The following TIMM21 variants were observed in gnomAD, a reference collection of about 807,000 sequenced individuals.
TIMM21 encodes the protein mitochondrial import inner membrane translocase subunit Tim21.
A neutral mutation model predicts 27.7 loss-of-function variants in TIMM21; 30 were observed. The ratio of observed to expected loss-of-function variants is 1.08; its 90% CI spans 0.81 to 1.47. TIMM21 has a LOEUF of 1.47. Among genes scored for constraint, TIMM21 ranks in the 40% most tolerant of loss-of-function variants. The pLI is 0.00. For synonymous variants in TIMM21, 121 were observed against 114.4 expected (o/e 1.06, Z -0.37); for missense variants, 292 against 302.9 (o/e 0.96, Z 0.27).
In TIMM21 at chr18:74,159,020, A is replaced by G. The variant is rs956987452; in HGVS notation, c.*540A>G. 2.5e-5 allele frequency: 4 copies of G among 156,926 alleles called. No homozygotes were observed. The highest frequency in any genetic ancestry group is 9.7e-5 in the African/African-American group (4 of 41,442). The allele number at this position is 156,926 out of a possible 1,614,324, so 9.7% of individuals were successfully genotyped here. A position where few individuals can be genotyped will look rare whatever the true frequency, so the allele number is the denominator to read the frequency against. On this transcript the variant is annotated 3_prime_UTR_variant, in exon 6 of 6. Transcript: ENST00000169551. Reference sequence around the variant, plus strand: ...GCTTCATGAATTAAGGGCCTAGTACATAGCGGGAAAAGTACACACTCCCAA... The same window carrying G: ...GCTTCATGAATTAAGGGCCTAGTACGTAGCGGGAAAAGTACACACTCCCAA...
At position 74,148,638 on chromosome 18, in the gene TIMM21, C is replaced by T; in HGVS notation, c.-171C>T. On this transcript the variant is annotated 5_prime_UTR_variant, in exon 1 of 6. Transcript: ENST00000169551. ...AGGGAAGGTAGACATCAGGTTCTCCCTGGAGACTTTTCGTTTTCATTTACG... is the reference window on the plus strand; with the variant it reads ...AGGGAAGGTAGACATCAGGTTCTCCTTGGAGACTTTTCGTTTTCATTTACG... 1 of 619,938 alleles carries T rather than the reference C, an allele frequency of 1.6e-6. No individual in the cohort carries two copies. The highest frequency in any genetic ancestry group is 2.8e-6 in the Non-Finnish European group (1 of 353,656). 38.4% of individuals were successfully genotyped at this position (619,938 alleles called of 1,614,324 possible).
At chr18:74,151,940 C>A (rs1035960219) in intron 1 of TIMM21, among the ~76,000 whole-genome samples, 2 of 144,168 alleles carry the variant, frequency 1.4e-5, no homozygotes, top group East Asian at 2.0e-4. Context: ...TCTATGTTCC[C>A]CCCCCCCCCG....
At position 74,159,519 on chromosome 18, in the gene TIMM21, T is replaced by G. The variant is rs1599212360; in HGVS notation, c.*1039T>G. 6.6e-6 allele frequency: 1 copy of G among 152,104 alleles called. No homozygotes were observed. Among genetic ancestry groups the G allele is most frequent in the Admixed American group, 6.5e-5 (1 of 15,272 alleles). The allele number at this position is 152,104 out of a possible 1,614,324, so 9.4% of individuals were successfully genotyped here. On this transcript the variant is annotated 3_prime_UTR_variant, in exon 6 of 6. Transcript: ENST00000169551. Reference sequence around the variant, plus strand: ...GGAATTTCTGATGTGTTCTTGAAATTTTGGGATATTCAGGATAGAGAGACC... The same window carrying G: ...GGAATTTCTGATGTGTTCTTGAAATGTTGGGATATTCAGGATAGAGAGACC...
In TIMM21 at chr18:74,148,771, G is replaced by A; in HGVS notation, c.-38G>A. ...GAACCCTAAAGCTTTCCTAATTGTA[G>A]TTAGCATCGTCCCTAAGCGGAACGA... is the stretch of plus-strand genomic sequence containing the variant. On this transcript the variant is annotated 5_prime_UTR_variant, in exon 1 of 6. Coordinates refer to ENST00000169551, the MANE Select transcript of TIMM21 (RefSeq NM_014177.3). The A allele has an allele frequency of 6.3e-7, 1 of 1,585,678 alleles. No individual in the cohort carries two copies. The highest frequency in any genetic ancestry group is 8.6e-7 in the Non-Finnish European group (1 of 1,159,950).
rs114230506 is a variant in TIMM21 at position 74,156,207 on chromosome 18, A to G, written c.462+804A>G. On this transcript the variant is annotated intron_variant, in intron 3 of 5. Transcript: ENST00000169551. The stretch of plus-strand genomic sequence containing the variant: ...TCACCCTGAAAGATAACAGCAGGTA[A>G]TCGTCTGCCATTATCATCATAAATA... 424 of 398,624 alleles carry G rather than the reference A, an allele frequency of 1.1e-3. 4 individuals carry two copies. Among genetic ancestry groups the G allele is most frequent in the African/African-American group, 7.2e-3 (353 of 48,750 alleles). The allele number at this position is 398,624 out of a possible 1,614,324, so 24.7% of individuals were successfully genotyped here. A position where few individuals can be genotyped will look rare whatever the true frequency, so the allele number is the denominator to read the frequency against.
At position 74,152,622 on chromosome 18, in the gene TIMM21, C is replaced by T. The variant is rs904180409; in HGVS notation, c.302-2523C>T. ...AGCTCTATGACAGGTGCTGTCAGTA[C>T]CCCCCTACCACCAGGGACAGGGTCC... On this transcript the variant is annotated intron_variant, in intron 1 of 5. Transcript: ENST00000169551. This position sits in a 1 kb window ranked among gnomAD's most constrained non-coding sequence, Gnocchi z 4.1. Among the ~76,000 whole-genome samples, 4 of 152,178 alleles carry T rather than the reference C, an allele frequency of 2.6e-5. No individual in the cohort carries two copies. The highest frequency in any genetic ancestry group is 5.9e-5 in the Non-Finnish European group (4 of 68,038).
chr18:74,151,417 C>T (rs1386735443), intron 1 of TIMM21, among the ~76,000 whole-genome samples: 1 of 152,108 alleles, frequency 6.6e-6, no homozygotes, highest in Non-Finnish European at 1.5e-5. Context: ...GTCATCAACT[C>T]TGTTGCTTTC....
chr18:74,156,603 C>A lies in TIMM21; in HGVS notation c.462+1200C>A, dbSNP rs975530268. 1.9e-5 allele frequency: 5 copies of A among 258,450 alleles called. No homozygotes were observed. The East Asian group carries it at 3.5e-4, about 18-fold the overall frequency. The allele number at this position is 258,450 out of a possible 1,614,324, so 16.0% of individuals were successfully genotyped here. A position where few individuals can be genotyped will look rare whatever the true frequency, so the allele number is the denominator to read the frequency against. On this transcript the variant is annotated intron_variant, in intron 3 of 5. Coordinates refer to ENST00000169551, the MANE Select transcript of TIMM21 (RefSeq NM_014177.3). ...CAAATTTTATCTGACAAGAAACATT[C>A]TTTACAGACTCCGGAAATACCTGTG...
chr18:74,148,844 G>A lies in TIMM21; in HGVS notation c.36G>A (p.Thr12=). ...ICTFLRAVQY[T]EKLHRSSAKR... ...CTTTTCTACGAGCCGTACAGTATAC[G>A]GAGAAGCTGCACAGGTCCTCGGCAA... Residue 12 remains threonine, a synonymous_variant, in exon 1 of 6, where the codon ACG becomes ACA. Transcript: ENST00000169551. 6.2e-7 allele frequency: 1 copy of A among 1,613,858 alleles called. No homozygotes were observed. Among genetic ancestry groups the A allele is most frequent in the African/African-American group, 1.3e-5 (1 of 75,018 alleles).
rs1283318598 is a variant in TIMM21 at position 74,160,353 on chromosome 18, A to T, written c.*1873A>T. 6.6e-6 allele frequency: 1 copy of T among 151,776 alleles called. No individual in the cohort carries two copies. The highest frequency in any genetic ancestry group is 1.9e-4 in the East Asian group (1 of 5,192). 9.4% of individuals were successfully genotyped at this position (151,776 alleles called of 1,614,324 possible). A position where few individuals can be genotyped will look rare whatever the true frequency, so the allele number is the denominator to read the frequency against. ...AAACAAAAAACAGATCTGAGCTTTT[A>T]TAATTAGAAATAAAACTAAATTACT... On this transcript the variant is annotated 3_prime_UTR_variant, in exon 6 of 6. Coordinates refer to ENST00000169551, the MANE Select transcript of TIMM21 (RefSeq NM_014177.3).
rs1445980516 is a variant in TIMM21, at chr18:74,159,290, A to T, written c.*810A>T. ...GTGAGGCCCCTTAAAGAAAAAAAAAAAAAAAAAGGAAATTCTATTTTATTT... is the reference window on the plus strand; with the variant it reads ...GTGAGGCCCCTTAAAGAAAAAAAAATAAAAAAAGGAAATTCTATTTTATTT... On this transcript the variant is annotated 3_prime_UTR_variant, in exon 6 of 6. Transcript: ENST00000169551. The T allele has an allele frequency of 6.6e-6, 1 of 152,094 alleles. No individual in the cohort carries two copies. Among genetic ancestry groups the T allele is most frequent in the African/African-American group, 2.4e-5 (1 of 41,390 alleles). 9.4% of individuals were successfully genotyped at this position (152,094 alleles called of 1,614,324 possible).
At chr18:74,153,443 C>T (rs899386532) in intron 1 of TIMM21, among the ~76,000 whole-genome samples, 1 of 152,188 alleles carries the variant, frequency 6.6e-6, no homozygotes, top group African/African-American at 2.4e-5. Context: ...AGGATACTTA[C>T]TAGAACTAGT....
At position 74,160,162 on chromosome 18, in the gene TIMM21, C is replaced by CA. The variant is rs199784864; in HGVS notation, c.*1695dup. On this transcript the variant is annotated 3_prime_UTR_variant, in exon 6 of 6. Transcript: ENST00000169551. ...GGTGAAACCCTATCTACTAAAAATT[C>CA]AAAAAAAAAAAAATTAACCAGGCAC... 1,766 of 137,526 alleles carry CA rather than the reference C, an allele frequency of 0.013. 36 individuals carry two copies. Among genetic ancestry groups the CA allele is most frequent in the African/African-American group, 0.041 (1,545 of 37,534 alleles). 8.5% of individuals were successfully genotyped at this position (137,526 alleles called of 1,614,324 possible).
chr18:74,151,151 A>G (rs998342873), intron 1 of TIMM21, among the ~76,000 whole-genome samples: 2 of 152,200 alleles, frequency 1.3e-5, no homozygotes, highest in African/African-American at 4.8e-5. Flanking sequence ...AGCACAGACT[A>G]TGTCCAAGTT....
Position 74,158,542 on chromosome 18 carries a change from T to A in TIMM21, c.*62T>A. On this transcript the variant is annotated 3_prime_UTR_variant, in exon 6 of 6. Transcript: ENST00000169551. The stretch of plus-strand genomic sequence containing the variant: ...CGCTACTCCGTTCTTCACAGCTGCC[T>A]TCCAGAATGTGTTCAAAAGAAAGAC... The A allele has an allele frequency of 1.0e-6, 1 of 995,290 alleles. No homozygotes were observed. Among genetic ancestry groups the A allele is most frequent in the Non-Finnish European group, 1.5e-6 (1 of 647,376 alleles). 61.7% of individuals were successfully genotyped at this position (995,290 alleles called of 1,614,324 possible).
At position 74,152,826 on chromosome 18, in the gene TIMM21, G is replaced by C. The variant is rs1008868332; in HGVS notation, c.302-2319G>C. ...TGAGGGAAGCAGGACTGGGCAGAGG[G>C]AGAGGCCGAAGTGCATTTGCAGTTG... On this transcript the variant is annotated intron_variant, in intron 1 of 5. Coordinates refer to ENST00000169551, the MANE Select transcript of TIMM21 (RefSeq NM_014177.3). This position sits in a 1 kb window ranked among gnomAD's most constrained non-coding sequence, Gnocchi z 4.1. Among the ~76,000 whole-genome samples, 9 of 152,212 alleles carry C rather than the reference G, an allele frequency of 5.9e-5. No homozygotes were observed. Among genetic ancestry groups the C allele is most frequent in the African/African-American group, 2.2e-4 (9 of 41,452 alleles).
intron 1 of TIMM21, among the ~76,000 whole-genome samples, chr18:74,154,550 C>G (rs1250996697): frequency 6.6e-6 from 1 of 150,842 alleles, no homozygotes; most frequent in Non-Finnish European, 1.5e-5. Context: ...CATGAGCCAC[C>G]GCGCCTGGCC....
At chr18:74,156,102 G>A (rs1040148794) in intron 3 of TIMM21, 9 of 394,890 alleles carry the variant, frequency 2.3e-5, no homozygotes, top group Non-Finnish European at 4.0e-5. Context: ...AGCCGGTGTG[G>A]CCTGGGAAGT....
chr18:74,159,205 A>T lies in TIMM21; in HGVS notation c.*725A>T, dbSNP rs187386707. The T allele has an allele frequency of 6.4e-4, 97 of 151,462 alleles. No homozygotes were observed. Among genetic ancestry groups the T allele is most frequent in the African/African-American group, 2.2e-3 (91 of 41,108 alleles). 9.4% of individuals were successfully genotyped at this position (151,462 alleles called of 1,614,324 possible). ...CTCATCCCCTTTAGAACTTACTTGC[A>T]CTGATACTTCTGACTGCCAAAAGAA... On this transcript the variant is annotated 3_prime_UTR_variant, in exon 6 of 6. Transcript: ENST00000169551.
Sources: allele counts gnomAD v4.1 joint callset (sites outside exome capture counted in the v4.1 genomes callset), GRCh38; gene constraint gnomAD v4.1.1; non-coding constraint Gnocchi (gnomAD v3.1); transcripts MANE v1.5; gene names NCBI Gene and HGNC (gene_info 2026-07-23, HGNC 2026-07-21).